The following SELENOT variants were observed in gnomAD, a reference collection of about 807,000 sequenced individuals.
The protein encoded by SELENOT is selenoprotein T.
SELENOT carries 9 observed loss-of-function variants against 24.3 expected under a neutral mutation model. The observed-to-expected ratio is 0.37, with a 90% CI of 0.22 to 0.65. SELENOT has a LOEUF of 0.65. Ranked by LOEUF, SELENOT falls within the 30% of genes least tolerant of loss-of-function variation. The pLI, the probability that SELENOT is intolerant of heterozygous loss-of-function variation, is 0.60. For missense variants in SELENOT, 166 were observed against 247.6 expected (o/e 0.67, Z 2.21); for synonymous variants, 81 against 86.0 (o/e 0.94, Z 0.32).
In SELENOT at chr3:150,629,439, CCTTCTG is replaced by C. The variant is rs1443634034; in HGVS notation, c.*1812_*1817del. Reference sequence around the variant, plus strand: ...ATTGTGTACCACTCCAAATTCCCTGCCTTCTGCAAGTTGAATGTCTTGCTGAATGTG... The same window carrying C: ...ATTGTGTACCACTCCAAATTCCCTGCCAAGTTGAATGTCTTGCTGAATGTG... On this transcript the variant is annotated 3_prime_UTR_variant, in exon 6 of 6. Coordinates refer to ENST00000471696, the MANE Select transcript of SELENOT (RefSeq NM_016275.5). 2 of 152,632 alleles carry C rather than the reference CCTTCTG, an allele frequency of 1.3e-5. No homozygotes were observed. Among genetic ancestry groups the C allele is most frequent in the African/African-American group, 4.8e-5 (2 of 41,448 alleles). The allele number at this position is 152,632 out of a possible 1,614,324, so 9.5% of individuals were successfully genotyped here. A position where few individuals can be genotyped will look rare whatever the true frequency, so the allele number is the denominator to read the frequency against.
At chr3:150,623,250 A>C (rs1481479380) in intron 3 of SELENOT, 81 bp downstream of exon 3, 7 of 1,247,484 alleles carry the variant, frequency 5.6e-6, no homozygotes, top group Non-Finnish European at 7.4e-6. Flanking sequence ...TATTTTGAAT[A>C]CTTGTTATTG....
intron 1 of SELENOT, among the ~76,000 whole-genome samples, chr3:150,621,834 A>G (rs1428858979): frequency 1.3e-5 from 2 of 152,068 alleles, no homozygotes; most frequent in African/African-American, 4.8e-5. Context: ...TGGGCAAACA[A>G]GTTTGCCTGG....
intron 1 of SELENOT, among the ~76,000 whole-genome samples, chr3:150,609,926 T>G (rs990551633): frequency 6.6e-6 from 1 of 152,262 alleles, no homozygotes; most frequent in Non-Finnish European, 1.5e-5. Context: ...TGGTATGATT[T>G]ATTTTTGTGA....
chr3:150,603,517 G>T lies in SELENOT; in HGVS notation c.137+18G>T, dbSNP rs761767436. The T allele has an allele frequency of 1.3e-6, 2 of 1,563,778 alleles. No individual in the cohort carries two copies. Among genetic ancestry groups the T allele is most frequent in the South Asian group, 1.1e-5 (1 of 87,766 alleles). On this transcript the variant is annotated intron_variant, in intron 1 of 5. Coordinates refer to ENST00000471696, the MANE Select transcript of SELENOT (RefSeq NM_016275.5). ...CAGATTTGGTGAGTATGTGCACTGGGCCCCGGCCACCCCGCCGCGCCTCTG... is the reference window on the plus strand; with the variant it reads ...CAGATTTGGTGAGTATGTGCACTGGTCCCCGGCCACCCCGCCGCGCCTCTG...
At chr3:150,626,530 C>T (rs1559899589) in intron 4 of SELENOT, among the ~76,000 whole-genome samples, 2 of 152,134 alleles carry the variant, frequency 1.3e-5, no homozygotes, top group Non-Finnish European at 2.9e-5. Context: ...TAATCCTTTC[C>T]ACCTTCCCAT....
chr3:150,615,703 T>C (rs1173611287), intron 1 of SELENOT, among the ~76,000 whole-genome samples: 351 of 152,076 alleles, frequency 2.3e-3, no homozygotes, highest in Admixed American at 4.8e-3. Flanking sequence ...TAAAAGAGGA[T>C]ACAAACAAAT....
intron 1 of SELENOT, among the ~76,000 whole-genome samples, chr3:150,605,059 C>G (rs1386900929): frequency 6.7e-6 from 1 of 150,204 alleles, no homozygotes; most frequent in Non-Finnish European, 1.5e-5. Flanking sequence ...AAAAAACCTC[C>G]CTGTACAATG....
chr3:150,606,480 G>A (rs1725964696), intron 1 of SELENOT, among the ~76,000 whole-genome samples: 1 of 152,038 alleles, frequency 6.6e-6, no homozygotes, highest in South Asian at 2.1e-4. Flanking sequence ...TGTTGATTGA[G>A]CAATATAATT....
At chr3:150,617,875 C>CT (rs1426460344) in intron 1 of SELENOT, among the ~76,000 whole-genome samples, 7 of 128,916 alleles carry the variant, frequency 5.4e-5, no homozygotes, top group Non-Finnish European at 1.2e-4. Context: ...GACAGTCTCA[C>CT]TGTCTCCCAG....
intron 4 of SELENOT, among the ~76,000 whole-genome samples, chr3:150,625,894 G>A (rs953460528): frequency 2.0e-5 from 3 of 146,524 alleles, no homozygotes; most frequent in Non-Finnish European, 4.5e-5. Flanking sequence ...TTTTGAGACG[G>A]AGTCTCGCTG....
At chr3:150,611,941 G>A in intron 1 of SELENOT, 1 of 809,394 alleles carries the variant, frequency 1.2e-6, no homozygotes, top group Non-Finnish European at 1.9e-6. Context: ...CTCCGTCGGC[G>A]GCAGTTCACT....
chr3:150,626,116 G>C (rs1162570546), intron 4 of SELENOT, among the ~76,000 whole-genome samples: 1 of 152,030 alleles, frequency 6.6e-6, no homozygotes. Context: ...TGATCCGCCC[G>C]CCTCCACCTC....
At chr3:150,612,188 G>T (rs1214674857) in intron 1 of SELENOT, among the ~76,000 whole-genome samples, 1 of 152,034 alleles carries the variant, frequency 6.6e-6, no homozygotes, top group Non-Finnish European at 1.5e-5. Context: ...CCGCCTCCCG[G>T]CTCAAGCTAT....
intron 1 of SELENOT, chr3:150,611,403 A>T: frequency 8.1e-7 from 1 of 1,237,146 alleles, no homozygotes; most frequent in Non-Finnish European, 1.2e-6. Context: ...GTGCTTTATT[A>T]AGTCCTGGTC....
At chr3:150,614,578 G>C (rs1197815736) in intron 1 of SELENOT, 1 of 154,596 alleles carries the variant, frequency 6.5e-6, no homozygotes, top group Admixed American at 6.5e-5. Context: ...TTCATGGTTA[G>C]TTCAGCTAGG....
chr3:150,609,818 G>A (rs1195751663), intron 1 of SELENOT, among the ~76,000 whole-genome samples: 3 of 152,018 alleles, frequency 2.0e-5, no homozygotes, highest in African/African-American at 7.3e-5. Context: ...GCAGAGTTTA[G>A]GTAATTTTTC....
chr3:150,623,311 G>A (rs1020186261), intron 3 of SELENOT, 142 bp downstream of exon 3: 3 of 744,072 alleles, frequency 4.0e-6, no homozygotes, highest in African/African-American at 1.8e-5. Context: ...TTATCTCTGG[G>A]GAAGTCACTT....
In SELENOT at chr3:150,627,122, C is replaced by A. The variant is rs1242194163; in HGVS notation, c.576C>A (p.His192Gln). Residue 192 changes from histidine (H) to glutamine (Q), a missense_variant, in exon 5 of 6, where the codon CAC becomes CAA. Physicochemically the swap from His to Gln is conservative, Grantham distance 24. Around this residue, in one of 5 missense-constraint regions of SELENOT, gnomAD observed 44 missense variants for 72.2 expected, o/e 0.61. Transcript: ENST00000471696. Reference sequence around the variant, plus strand: ...ATGTGCATATGGATTCAATCCCACACCATCGATCATAGCACCACCTATCAG... The same window carrying A: ...ATGTGCATATGGATTCAATCCCACAACATCGATCATAGCACCACCTATCAG... Reference protein sequence around the residue: ...KLNVHMDSIPHHRS With the variant: ...KLNVHMDSIPQHRS The A allele has an allele frequency of 1.8e-5, 29 of 1,613,158 alleles. No homozygotes were observed. The highest frequency in any genetic ancestry group is 2.3e-5 in the Non-Finnish European group (27 of 1,179,464).
rs1287391447 is a variant in SELENOT at position 150,603,414 on chromosome 3, G to C, written c.52G>C (p.Glu18Gln). Residue 18 changes from glutamate (E) to glutamine (Q), a missense_variant, in exon 1 of 6, where the codon GAG (glutamate) becomes CAG (glutamine). Around this residue, in one of 5 missense-constraint regions of SELENOT, gnomAD observed 46 missense variants for 49.3 expected, o/e 0.93. Coordinates refer to ENST00000471696, the MANE Select transcript of SELENOT (RefSeq NM_016275.5). ...GGCGGCGTCTGCGATGGTCCGGAGC[G>C]AGGCCTCGGCCAATCTGGGCGGCGT... Reference protein sequence around the residue: ...LVAASAMVRSEASANLGGVPS... With the variant: ...LVAASAMVRSQASANLGGVPS... 6.2e-7 allele frequency: 1 copy of C among 1,613,424 alleles called. No individual in the cohort carries two copies. Among genetic ancestry groups the C allele is most frequent in the Non-Finnish European group, 8.5e-7 (1 of 1,179,544 alleles).
Sources: gnomAD v4.1 joint callset for allele counts (sites outside exome capture counted in the v4.1 genomes callset) on GRCh38, gnomAD v4.1.1 for gene constraint, gnomAD v4.1.1 regional missense constraint, MANE v1.5 for transcripts, NCBI Gene and HGNC (gene_info 2026-07-23, HGNC 2026-07-21) for gene names.